SAMMSON: variants seen among roughly 807,000 people sequenced by gnomAD.
SAMMSON encodes long intergenic non-protein coding RNA 1212.
At chr3:70,254,253 G>A (rs950778556) in intron 6 of SAMMSON, among the ~76,000 whole-genome samples, 3 of 152,058 alleles carry the variant, frequency 2.0e-5, no homozygotes, top group African/African-American at 7.2e-5. Context: ...AAGTTTAATG[G>A]ATAAATTAAA....
intron 7 of SAMMSON, among the ~76,000 whole-genome samples, chr3:70,326,509 T>C (rs907444821): frequency 1.3e-5 from 2 of 152,146 alleles, no homozygotes; most frequent in Non-Finnish European, 2.9e-5. Context: ...TCCCAGTCTG[T>C]GGCAGTGAAC....
intron 4 of SAMMSON, among the ~76,000 whole-genome samples, chr3:70,130,653 G>A (rs982698087): frequency 1.3e-5 from 2 of 152,010 alleles, no homozygotes; most frequent in African/African-American, 2.4e-5. Flanking sequence ...CTGTGGAACC[G>A]AACTCAGTTA....
chr3:70,267,052 A>C (rs1701922627), intron 6 of SAMMSON, among the ~76,000 whole-genome samples: 1 of 152,186 alleles, frequency 6.6e-6, no homozygotes, highest in Non-Finnish European at 1.5e-5. Context: ...CCTTCTGAGC[A>C]ATGTCGTGCC....
chr3:70,348,652 A>G (rs761756510), intron 7 of SAMMSON, among the ~76,000 whole-genome samples: 48 of 152,158 alleles, frequency 3.2e-4, no homozygotes, highest in Non-Finnish European at 4.4e-4. Flanking sequence ...CATTTAGTCT[A>G]TAGTAGGTCT....
intron 6 of SAMMSON, among the ~76,000 whole-genome samples, chr3:70,256,202 C>G (rs1031105576): frequency 6.6e-6 from 1 of 152,092 alleles, no homozygotes; most frequent in African/African-American, 2.4e-5. Context: ...AACATTAAAA[C>G]TTTAGTTGTA....
At chr3:70,299,882 A>G (rs921841168) in intron 7 of SAMMSON, among the ~76,000 whole-genome samples, 1 of 151,988 alleles carries the variant, frequency 6.6e-6, no homozygotes, top group African/African-American at 2.4e-5. Flanking sequence ...CCTAACGTTA[A>G]AAGTCCTTCA....
intron 2 of SAMMSON, among the ~76,000 whole-genome samples, chr3:70,418,478 C>G (rs923766138): frequency 6.6e-6 from 1 of 152,162 alleles, no homozygotes; most frequent in African/African-American, 2.4e-5. Flanking sequence ...GAAATCCAGC[C>G]CATCCTGAGT....
intron 3 of SAMMSON, among the ~76,000 whole-genome samples, chr3:70,053,397 G>A (rs1381748034): frequency 6.6e-6 from 1 of 152,104 alleles, no homozygotes; most frequent in Non-Finnish European, 1.5e-5. Context: ...ATGAAGACTT[G>A]TCAATGGGGC....
At chr3:70,137,650 C>G (rs1022545427) in intron 4 of SAMMSON, 2 of 152,142 alleles carry the variant, frequency 1.3e-5, no homozygotes, top group African/African-American at 4.8e-5. Flanking sequence ...AAATACAATG[C>G]AAACCAGAAG....
chr3:70,193,835 A>G (rs1701151581), intron 4 of SAMMSON, among the ~76,000 whole-genome samples: 1 of 152,206 alleles, frequency 6.6e-6, no homozygotes, highest in African/African-American at 2.4e-5. Flanking sequence ...AATTCTGCCT[A>G]TCAAATATTT....
chr3:70,155,505 T>C (rs2067588707), intron 4 of SAMMSON, among the ~76,000 whole-genome samples: 1 of 152,038 alleles, frequency 6.6e-6, no homozygotes, highest in South Asian at 2.1e-4. Flanking sequence ...GTATAAAATT[T>C]ATGTTGAAGA....
intron 4 of SAMMSON, among the ~76,000 whole-genome samples, chr3:70,246,936 T>C (rs1203089316): frequency 6.6e-6 from 1 of 152,004 alleles, no homozygotes; most frequent in Non-Finnish European, 1.5e-5. Context: ...CAATAATTCG[T>C]AATTATAGGT....
At chr3:70,007,098 C>A (rs1183246633) in intron 1 of SAMMSON, among the ~76,000 whole-genome samples, 1 of 152,060 alleles carries the variant, frequency 6.6e-6, no homozygotes, top group African/African-American at 2.4e-5. Context: ...AATAGTGCCA[C>A]AATAAACATA....
intron 4 of SAMMSON, among the ~76,000 whole-genome samples, chr3:70,129,466 GTA>G (rs757340113): frequency 7.9e-5 from 12 of 152,284 alleles, no homozygotes; most frequent in Middle Eastern, 3.4e-3. Flanking sequence ...ATGTGTGATA[GTA>G]TATGTTTGAC....
chr3:70,072,333 G>C (rs2067233128), intron 4 of SAMMSON: 1 of 151,884 alleles, frequency 6.6e-6, no homozygotes, highest in South Asian at 2.1e-4. Context: ...CTACCCGCTT[G>C]GCTTCTCGCT....
chr3:70,287,843 C>T lies in SAMMSON; in HGVS notation n.675-3336C>T, dbSNP rs1286718877. On this transcript the variant is annotated intron_variant and non_coding_transcript_variant, in intron 6 of 9. Coordinates refer to ENST00000642114, the Ensembl canonical transcript of SAMMSON. The stretch of plus-strand genomic sequence containing the variant: ...TCTTCTAGATTTTCTAGTTTATTTG[C>T]GTAGAGGTGTTTGTAGTATTCTCTG... 5.2e-3 allele frequency among the ~76,000 whole-genome samples: 795 copies of T among 151,712 alleles called. 7 individuals are homozygous for T. The highest frequency in any genetic ancestry group is 9.3e-3 in the Non-Finnish European group (629 of 67,746).
At chr3:70,123,495 C>T (rs2106668505) in intron 4 of SAMMSON, among the ~76,000 whole-genome samples, 1 of 152,312 alleles carries the variant, frequency 6.6e-6, no homozygotes, top group African/African-American at 2.4e-5. Context: ...GTCTCGAACT[C>T]CTGAGCTGAA....
chr3:70,206,214 C>T lies in SAMMSON; in HGVS notation n.508-42893C>T, dbSNP rs1437672977. On this transcript the variant is annotated intron_variant and non_coding_transcript_variant, in intron 4 of 9. Transcript: ENST00000642114. ...GCATTTTAATACTATTTCTCTCTGC[C>T]TTCTTTTCTCTGACTAGAGTTATAG... Among the ~76,000 whole-genome samples the T allele has an allele frequency of 2.0e-5, 3 of 151,922 alleles. No individual in the cohort carries two copies. In the East Asian group the frequency reaches 5.8e-4, roughly 29 times the overall value.
intron 6 of SAMMSON, among the ~76,000 whole-genome samples, chr3:70,249,990 A>C (rs1701745286): frequency 6.6e-6 from 1 of 152,144 alleles, no homozygotes; most frequent in South Asian, 2.1e-4. Flanking sequence ...GTGTTGAGCT[A>C]TTTTGGTGTA....
Sources: gnomAD v4.1 joint callset for allele counts (sites outside exome capture counted in the v4.1 genomes callset) on GRCh38, gnomAD v4.1.1 for gene constraint, MANE v1.5 for transcripts, NCBI Gene and HGNC (gene_info 2026-07-23, HGNC 2026-07-21) for gene names.